Variants in SNTB1 observed in about 807,000 individuals in gnomAD.
SNTB1 encodes syntrophin beta 1, also known as beta-1-syntrophin.
Under a neutral mutation model 48.9 loss-of-function variants are expected in SNTB1, and 36 were observed. The observed-to-expected ratio is 0.74, with a 90% confidence interval of 0.56 to 0.97. The LOEUF (loss-of-function observed/expected upper bound fraction) is 0.97, where lower values mean the gene tolerates loss of function less well. Ranked by LOEUF, SNTB1 falls within the 50% of genes least tolerant of loss-of-function variation. SNTB1 has a pLI of 0.00. For missense variants in SNTB1, 786 were observed against 703.4 expected, an observed-to-expected ratio of 1.12 and a Z score of -1.33; for synonymous variants, 299 against 294.6, an observed-to-expected ratio of 1.01 and a Z score of -0.15.
intron 1 of SNTB1, among the ~76,000 whole-genome samples, chr8:120,757,571 T>C (rs1441539398): frequency 2.0e-5 from 3 of 152,122 alleles, no homozygotes; most frequent in Non-Finnish European, 4.4e-5. Context: ...AAGATCAAAG[T>C]AGGAAGCACG....
intron 1 of SNTB1, among the ~76,000 whole-genome samples, chr8:120,767,446 C>A (rs1819545639): frequency 6.6e-6 from 1 of 152,140 alleles, no homozygotes; most frequent in Admixed American, 6.5e-5. Context: ...ATTTCAATAA[C>A]ACAAAGAACT....
intron 4 of SNTB1, among the ~76,000 whole-genome samples, chr8:120,553,159 C>T (rs1237040367): frequency 6.6e-6 from 1 of 152,194 alleles, no homozygotes; most frequent in East Asian, 1.9e-4. Context: ...TCCTGTTTTA[C>T]AGGAAGGACT....
intron 1 of SNTB1, among the ~76,000 whole-genome samples, chr8:120,803,681 C>T (rs1820272544): frequency 6.6e-6 from 1 of 152,120 alleles, no homozygotes; most frequent in South Asian, 2.1e-4. Context: ...CACCACTGAA[C>T]ATGAAGAGCA....
rs569678966 is a variant in SNTB1 at position 120,748,502 on chromosome 8, G to C, written c.572-54594C>G. Among the ~76,000 whole-genome samples the C allele has an allele frequency of 4.5e-4, 69 of 152,266 alleles. 2 individuals are homozygous for C. The South Asian group carries it at 0.011, about 25-fold the overall frequency. ...GTGAAGTGATTTGCTGTCTGGAAAA[G>C]TCAGATTCATGGATCAGGGGGACTT... On this transcript the variant is annotated intron_variant, in intron 1 of 6. Coordinates refer to ENST00000517992, the MANE Select transcript of SNTB1 (RefSeq NM_021021.4).
At chr8:120,679,873 T>G (rs1817900858) in intron 2 of SNTB1, among the ~76,000 whole-genome samples, 1 of 151,080 alleles carries the variant, frequency 6.6e-6, no homozygotes, top group Admixed American at 6.6e-5. Context: ...TTTTTTTTGC[T>G]TTCTTTTGAA....
intron 1 of SNTB1, among the ~76,000 whole-genome samples, chr8:120,700,189 G>C (rs111623240): frequency 0.018 from 2,758 of 152,004 alleles, 44 homozygotes; most frequent in Non-Finnish European, 0.029. Context: ...TTGTGTGTGT[G>C]TGCGTGTATT....
intron 1 of SNTB1, among the ~76,000 whole-genome samples, chr8:120,760,295 G>T (rs1421141331): frequency 1.0e-5 from 1 of 97,782 alleles, no homozygotes; most frequent in African/African-American, 8.4e-5. Context: ...TAAGAAACAA[G>T]CCAAAAAAAA....
intron 3 of SNTB1, among the ~76,000 whole-genome samples, chr8:120,597,645 T>G (rs1816346943): frequency 6.6e-6 from 1 of 152,260 alleles, no homozygotes. Flanking sequence ...TTAATAAGGA[T>G]ATAAGTCATC....
intron 1 of SNTB1, among the ~76,000 whole-genome samples, chr8:120,779,753 G>A (rs901376045): frequency 6.6e-6 from 1 of 152,206 alleles, no homozygotes; most frequent in South Asian, 2.1e-4. Context: ...TAAAACATTC[G>A]TCTGTTACCT....
chr8:120,671,754 T>C (rs1001647554), intron 2 of SNTB1, among the ~76,000 whole-genome samples: 2 of 152,246 alleles, frequency 1.3e-5, no homozygotes, highest in Admixed American at 6.5e-5. Flanking sequence ...ATTTGGAAGA[T>C]TGGGGAAATA....
chr8:120,606,859 G>C (rs1205188362), intron 3 of SNTB1, among the ~76,000 whole-genome samples: 1 of 152,118 alleles, frequency 6.6e-6, no homozygotes. Flanking sequence ...CACAAGAAAC[G>C]TTCCTGTTTA....
chr8:120,715,258 T>A (rs1818535379), intron 1 of SNTB1, among the ~76,000 whole-genome samples: 1 of 152,236 alleles, frequency 6.6e-6, no homozygotes, highest in Non-Finnish European at 1.5e-5. Context: ...CGTTTTTTGG[T>A]CTCATTAAGC....
chr8:120,808,990 TCTC>T (rs1820384787), intron 1 of SNTB1, among the ~76,000 whole-genome samples: 1 of 152,094 alleles, frequency 6.6e-6, no homozygotes, highest in South Asian at 2.1e-4. Context: ...TTTCAAAGCC[TCTC>T]CTATGTAGAA....
At chr8:120,616,617 T>C (rs1198116125) in intron 3 of SNTB1, among the ~76,000 whole-genome samples, 1 of 151,964 alleles carries the variant, frequency 6.6e-6, no homozygotes, top group East Asian at 1.9e-4. Flanking sequence ...ATGCCAGGCC[T>C]AGCTTGATTT....
At chr8:120,768,946 G>A (rs1378269949) in intron 1 of SNTB1, 1 of 152,216 alleles carries the variant, frequency 6.6e-6, no homozygotes, top group Non-Finnish European at 1.5e-5. Flanking sequence ...CAGGTGGAGA[G>A]GCTACTACTA....
chr8:120,667,718 T>A (rs1464868189), intron 2 of SNTB1, among the ~76,000 whole-genome samples: 1 of 152,164 alleles, frequency 6.6e-6, no homozygotes, highest in African/African-American at 2.4e-5. Flanking sequence ...GGTTGGATAT[T>A]TTTATATTCC....
intron 1 of SNTB1, among the ~76,000 whole-genome samples, chr8:120,702,670 G>A (rs141747354): frequency 6.6e-6 from 1 of 152,244 alleles, no homozygotes; most frequent in Non-Finnish European, 1.5e-5. Context: ...GGGCTGATCA[G>A]CTTACAAATA....
At chr8:120,631,987 A>G (rs182122367) in intron 3 of SNTB1, among the ~76,000 whole-genome samples, 16 of 152,358 alleles carry the variant, frequency 1.1e-4, no homozygotes, top group Admixed American at 9.8e-4. Context: ...GTAATTGCTC[A>G]AGTAATTCTT....
At chr8:120,799,460 G>A (rs935069223) in intron 1 of SNTB1, among the ~76,000 whole-genome samples, 1 of 151,734 alleles carries the variant, frequency 6.6e-6, no homozygotes, top group African/African-American at 2.4e-5. Context: ...AACAACAAGA[G>A]GATGCTATAT....
Sources: gnomAD v4.1 joint callset for allele counts (sites outside exome capture counted in the v4.1 genomes callset) on GRCh38, gnomAD v4.1.1 for gene constraint, MANE v1.5 for transcripts, NCBI Gene and HGNC (gene_info 2026-07-23, HGNC 2026-07-21) for gene names.